Variants in ADAMTS6 observed in about 807,000 individuals in gnomAD.
ADAMTS6 encodes the protein A disintegrin and metalloproteinase with thrombospondin motifs 6.
ADAMTS6 carries 23 observed loss-of-function variants against 144.3 expected under a neutral mutation model. The observed-to-expected ratio is 0.16, with a 90% CI of 0.11 to 0.23. The LOEUF (loss-of-function observed/expected upper bound fraction) is 0.23. Ranked by LOEUF, ADAMTS6 falls within the 10% of genes least tolerant of loss-of-function variation. The pLI is 1.00. For missense variants in ADAMTS6, 999 were observed against 1,379.6 expected (o/e 0.72, Z 4.37); for synonymous variants, 444 against 457.5 (o/e 0.97, Z 0.38).
At chr5:65,469,413 A>G (rs967498927) in intron 3 of ADAMTS6, among the ~76,000 whole-genome samples, 4 of 152,226 alleles carry the variant, frequency 2.6e-5, no homozygotes, top group African/African-American at 4.8e-5. Flanking sequence ...AATGCCAAAC[A>G]TAAATAACCT....
At chr5:65,357,402 T>G (rs1293949736) in intron 7 of ADAMTS6, among the ~76,000 whole-genome samples, 1 of 151,318 alleles carries the variant, frequency 6.6e-6, no homozygotes, top group Non-Finnish European at 1.5e-5. Flanking sequence ...AATAGATACA[T>G]TAAGAATAAA....
intron 11 of ADAMTS6, among the ~76,000 whole-genome samples, chr5:65,279,165 G>C (rs1762795798): frequency 6.6e-6 from 1 of 151,986 alleles, no homozygotes; most frequent in South Asian, 2.1e-4. Context: ...AGCTGGTCTT[G>C]AACTCCTGAG....
At chr5:65,422,474 T>A (rs879571324) in intron 7 of ADAMTS6, among the ~76,000 whole-genome samples, 1 of 151,934 alleles carries the variant, frequency 6.6e-6, no homozygotes, top group Non-Finnish European at 1.5e-5. Flanking sequence ...ATACAAAAAT[T>A]AGTTGGGTGT....
Position 65,158,464 on chromosome 5 carries a change from C to T in ADAMTS6, c.3245-6519G>A, listed in dbSNP as rs536668457. 1.8e-4 allele frequency among the ~76,000 whole-genome samples: 27 copies of T among 152,340 alleles called. No individual in the cohort carries two copies. In the East Asian group the frequency reaches 4.6e-3, roughly 26 times the overall value. On this transcript the variant is annotated intron_variant, in intron 24 of 24. Coordinates refer to ENST00000381055, the MANE Select transcript of ADAMTS6 (RefSeq NM_197941.4). Reference sequence around the variant, plus strand: ...TCACGACCTGACAGCAATAAATACTCTGTGACAGAGTTCCTTGTACTATTG... The same window carrying T: ...TCACGACCTGACAGCAATAAATACTTTGTGACAGAGTTCCTTGTACTATTG...
rs1163246194 is a variant in ADAMTS6 at position 65,460,138 on chromosome 5, A to G, written c.631+32T>C. ...AAAGAAAAAGCAGCAATCCAGTACAATACGCTTTGTAAAAGCTGCACACTC... is the reference window on the plus strand; with the variant it reads ...AAAGAAAAAGCAGCAATCCAGTACAGTACGCTTTGTAAAAGCTGCACACTC... On this transcript the variant is annotated intron_variant, in intron 4 of 24. Transcript: ENST00000381055. The G allele has an allele frequency of 2.5e-6, 4 of 1,611,076 alleles. No homozygotes were observed. In the South Asian group the frequency reaches 4.4e-5, roughly 18 times the overall value.
chr5:65,459,843 G>A (rs1479711357), intron 4 of ADAMTS6, among the ~76,000 whole-genome samples: 1 of 152,022 alleles, frequency 6.6e-6, no homozygotes. Context: ...AAAAATATCA[G>A]GCTAAACGAA....
chr5:65,392,925 A>G (rs1233108584), intron 7 of ADAMTS6, among the ~76,000 whole-genome samples: 1 of 152,224 alleles, frequency 6.6e-6, no homozygotes, highest in African/African-American at 2.4e-5. Context: ...GAATCTCAAG[A>G]TGTGAGTAGT....
At chr5:65,233,336 C>G (rs1307274297) in intron 15 of ADAMTS6, among the ~76,000 whole-genome samples, 1 of 151,562 alleles carries the variant, frequency 6.6e-6, no homozygotes, top group African/African-American at 2.4e-5. Flanking sequence ...GTCCTAGTCA[C>G]AGGAAGTAAG....
intron 11 of ADAMTS6, among the ~76,000 whole-genome samples, chr5:65,282,028 A>G (rs192116347): frequency 6.6e-6 from 1 of 152,334 alleles, no homozygotes; most frequent in Non-Finnish European, 1.5e-5. Flanking sequence ...ATGAAAGAAT[A>G]AAATCATTTT....
chr5:65,394,045 G>A (rs867033016), intron 7 of ADAMTS6, among the ~76,000 whole-genome samples: 1 of 152,050 alleles, frequency 6.6e-6, no homozygotes. Flanking sequence ...TTTTTCCAAA[G>A]ATGGTCACAA....
intron 8 of ADAMTS6, among the ~76,000 whole-genome samples, chr5:65,331,619 A>T (rs1217420794): frequency 2.0e-5 from 3 of 152,044 alleles, no homozygotes; most frequent in Non-Finnish European, 2.9e-5. Context: ...TGGCGATTTG[A>T]TAACTATTTC....
chr5:65,290,820 T>C, intron 11 of ADAMTS6, among the ~76,000 whole-genome samples: 1 of 152,148 alleles, frequency 6.6e-6, no homozygotes, highest in Non-Finnish European at 1.5e-5. Flanking sequence ...TTCATAGCAA[T>C]TTTCCTTGTT....
At chr5:65,396,097 T>C (rs556861060) in intron 7 of ADAMTS6, among the ~76,000 whole-genome samples, 56 of 152,212 alleles carry the variant, frequency 3.7e-4, no homozygotes, top group Non-Finnish European at 6.9e-4. Flanking sequence ...AAGTTTAACC[T>C]GATTATTTAT....
intron 7 of ADAMTS6, among the ~76,000 whole-genome samples, chr5:65,341,900 C>G (rs1747871508): frequency 6.6e-6 from 1 of 152,044 alleles, no homozygotes; most frequent in Non-Finnish European, 1.5e-5. Flanking sequence ...AAGAAAACTC[C>G]AGGCCAATAT....
intron 7 of ADAMTS6, among the ~76,000 whole-genome samples, chr5:65,374,094 T>C (rs939310721): frequency 2.0e-5 from 3 of 152,160 alleles, no homozygotes; most frequent in African/African-American, 4.8e-5. Flanking sequence ...AATTAGGTAT[T>C]GATGGGACAT....
At chr5:65,384,285 T>A (rs1004042167) in intron 7 of ADAMTS6, among the ~76,000 whole-genome samples, 8 of 152,218 alleles carry the variant, frequency 5.3e-5, no homozygotes, top group Non-Finnish European at 1.5e-5. Flanking sequence ...TTTTTTATTA[T>A]AAATTCCATC....
chr5:65,444,944 C>A (rs1758151126), intron 7 of ADAMTS6, among the ~76,000 whole-genome samples: 1 of 152,164 alleles, frequency 6.6e-6, no homozygotes, highest in Non-Finnish European at 1.5e-5. Flanking sequence ...CAGTCCTTAT[C>A]TCATGCAGTT....
rs201243889 is a variant in ADAMTS6 at position 65,361,740 on chromosome 5, C to CT, written c.1074-27656dup. The stretch of plus-strand genomic sequence containing the variant: ...GGTGATTTTTTTTCTTTTTCTTTTT[C>CT]TTTTTTTTTTTGAAACAGGGTTTCA... On this transcript the variant is annotated intron_variant, in intron 7 of 24. Coordinates refer to ENST00000381055, the MANE Select transcript of ADAMTS6 (RefSeq NM_197941.4). 5.5e-3 allele frequency among the ~76,000 whole-genome samples: 799 copies of CT among 145,434 alleles called. 3 individuals carry two copies. Among genetic ancestry groups the CT allele is most frequent in the Middle Eastern group, 7.1e-3 (2 of 280 alleles).
intron 2 of ADAMTS6, 47 bp from the exon 3 acceptor site, chr5:65,471,189 A>C: frequency 6.5e-7 from 1 of 1,542,062 alleles, no homozygotes. Context: ...CACATGGAAG[A>C]AAAGAAAATT....
Sources: allele counts gnomAD v4.1 joint callset (sites outside exome capture counted in the v4.1 genomes callset), GRCh38; gene constraint gnomAD v4.1.1; transcripts MANE v1.5; gene names NCBI Gene and HGNC (gene_info 2026-07-23, HGNC 2026-07-21).